The following GALNT9 variants were observed in gnomAD, a reference collection of about 807,000 sequenced individuals.
The protein encoded by GALNT9 is polypeptide N-acetylgalactosaminyltransferase 9.
In GALNT9, 47 loss-of-function variants were observed where a neutral mutation model predicts 63.1. The observed-to-expected ratio is 0.75, with a 90% CI of 0.59 to 0.95. The LOEUF is 0.95. Among genes scored for constraint, GALNT9 ranks in the 40% least tolerant of loss-of-function variants. The probability of loss-of-function intolerance (pLI) is 0.00; values close to 1 mark genes in which losing one functional copy is unlikely to be tolerated. For missense variants in GALNT9, 829 were observed against 874.8 expected (o/e 0.95, Z 0.66); for synonymous variants, 396 against 365.7 (o/e 1.08, Z -0.94).
chr12:132,306,887 C>T (rs552385272), intron 1 of GALNT9, among the ~76,000 whole-genome samples: 2 of 152,214 alleles, frequency 1.3e-5, no homozygotes, highest in East Asian at 3.9e-4. Context: ...TCCCATGACC[C>T]GAGGGAGCGC....
At chr12:132,325,340 G>C (rs1276932390) in intron 1 of GALNT9, among the ~76,000 whole-genome samples, 1 of 152,236 alleles carries the variant, frequency 6.6e-6, no homozygotes, top group African/African-American at 2.4e-5. Flanking sequence ...ACCGCCAGAG[G>C]CCTTGGGCAT....
intron 6 of GALNT9, among the ~76,000 whole-genome samples, chr12:132,224,992 C>T (rs1457646553): frequency 6.8e-6 from 1 of 147,140 alleles, no homozygotes; most frequent in Non-Finnish European, 1.5e-5. Context: ...CCCATATACA[C>T]ACCCTATACA....
rs2136899516 is a variant in GALNT9, at chr12:132,240,799, C to A, written c.1077+7111G>T. 8.3e-5 allele frequency: 37 copies of A among 443,724 alleles called. 1 individual carries two copies. In the East Asian group the frequency reaches 2.3e-3, roughly 28 times the overall value. The allele number at this position is 443,724 out of a possible 1,614,324, so 27.5% of individuals were successfully genotyped here. On this transcript the variant is annotated intron_variant, in intron 6 of 10. Transcript: ENST00000328957. ...AGTATGATCTATACATGTTTACACA[C>A]ATGCCACACACCCTTCCCAAGGCCG...
intron 1 of GALNT9, among the ~76,000 whole-genome samples, chr12:132,308,041 A>C (rs1307520240): frequency 2.6e-5 from 4 of 152,064 alleles, no homozygotes; most frequent in Non-Finnish European, 5.9e-5. Flanking sequence ...GTCTCAAAAA[A>C]AAAAAAACAA....
chr12:132,240,702 C>A, intron 6 of GALNT9: 1 of 455,954 alleles, frequency 2.2e-6, no homozygotes, highest in South Asian at 1.5e-5. Context: ...TATAATTTAC[C>A]TTATCTTGCT....
At chr12:132,261,984 G>T (rs1879404873) in intron 3 of GALNT9, among the ~76,000 whole-genome samples, 1 of 152,238 alleles carries the variant, frequency 6.6e-6, no homozygotes, top group African/African-American at 2.4e-5. Context: ...GTGAGCCTCT[G>T]TGGGCAAGAG....
At chr12:132,228,545 G>A (rs1877786019) in intron 6 of GALNT9, among the ~76,000 whole-genome samples, 1 of 152,036 alleles carries the variant, frequency 6.6e-6, no homozygotes, top group Non-Finnish European at 1.5e-5. Context: ...TGGCGAGACA[G>A]GGCTTATTAA....
intron 6 of GALNT9, among the ~76,000 whole-genome samples, chr12:132,215,151 G>A (rs948672390): frequency 1.2e-4 from 19 of 152,210 alleles, no homozygotes; most frequent in African/African-American, 4.6e-4. Flanking sequence ...GCAGCTCTGG[G>A]TGGCTTTGTG....
intron 6 of GALNT9, among the ~76,000 whole-genome samples, chr12:132,217,248 C>G (rs1054905197): frequency 3.4e-5 from 5 of 145,834 alleles, no homozygotes; most frequent in African/African-American, 1.3e-4. Flanking sequence ...ATGCATCCCA[C>G]CCACCCATCC....
chr12:132,278,395 G>T (rs1404909490), intron 2 of GALNT9: 1 of 152,198 alleles, frequency 6.6e-6, no homozygotes, highest in South Asian at 2.1e-4. Flanking sequence ...CCCCTAACCC[G>T]ATGGTGTCAT....
At chr12:132,276,045 G>A (rs1880074238) in intron 2 of GALNT9, among the ~76,000 whole-genome samples, 1 of 152,246 alleles carries the variant, frequency 6.6e-6, no homozygotes. Context: ...CCACATTGCA[G>A]CAGGAAGCCA....
intron 6 of GALNT9, among the ~76,000 whole-genome samples, chr12:132,210,167 C>T (rs1296148056): frequency 2.0e-5 from 3 of 152,268 alleles, no homozygotes; most frequent in East Asian, 3.9e-4. Flanking sequence ...TGGGGCCCGT[C>T]GTCTGCAGGC....
At chr12:132,219,677 TC>T (rs1877358504) in intron 6 of GALNT9, among the ~76,000 whole-genome samples, 1 of 150,104 alleles carries the variant, frequency 6.7e-6, no homozygotes. Flanking sequence ...AAGGGGCACC[TC>T]CCCAGGGTGA....
chr12:132,327,301 G>A lies in GALNT9; in HGVS notation c.238+1665C>T, dbSNP rs1425134506. Among the ~76,000 whole-genome samples, 1 of 151,568 alleles carries A rather than the reference G, an allele frequency of 6.6e-6. No individual in the cohort carries two copies. Among genetic ancestry groups the A allele is most frequent in the Non-Finnish European group, 1.5e-5 (1 of 67,850 alleles). On this transcript the variant is annotated intron_variant, in intron 1 of 10. Transcript: ENST00000328957. The surrounding 1 kb of genome is among the most constrained non-coding windows in gnomAD (Gnocchi z 4.3). ...CAGTGGGGGCGGTGGGCGGTGGGGG[G>A]AGACACACTTTCCCGGAATGCTTCC...
chr12:132,258,853 G>A (rs112040159), intron 4 of GALNT9, among the ~76,000 whole-genome samples: 5 of 152,212 alleles, frequency 3.3e-5, no homozygotes, highest in Non-Finnish European at 5.9e-5. Flanking sequence ...CGCCGTCCAC[G>A]CTGGAGACCC....
At chr12:132,255,958 G>A (rs1382662260) in intron 5 of GALNT9, among the ~76,000 whole-genome samples, 5 of 152,044 alleles carry the variant, frequency 3.3e-5, no homozygotes, top group Non-Finnish European at 5.9e-5. Context: ...GAGGGAGGGC[G>A]AACTCCTGAG....
At chr12:132,278,006 C>G (rs1353037988) in intron 2 of GALNT9, 1 of 149,998 alleles carries the variant, frequency 6.7e-6, no homozygotes, top group South Asian at 2.2e-4. Flanking sequence ...CCCCCTCCCC[C>G]TCACTCCCAC....
In GALNT9 at chr12:132,196,933, G is replaced by A; in HGVS notation, c.*174C>T. ...TCCTAGGAGAAGCTGTACTCCAGAT[G>A]CAGTGGGTGACACCCTGGTCACTCA... is the stretch of plus-strand genomic sequence containing the variant. On this transcript the variant is annotated 3_prime_UTR_variant, in exon 11 of 11. Coordinates refer to ENST00000328957, the MANE Select transcript of GALNT9 (RefSeq NM_001122636.2). 2.8e-6 allele frequency: 4 copies of A among 1,444,020 alleles called. No individual in the cohort carries two copies. Among genetic ancestry groups the A allele is most frequent in the Non-Finnish European group, 3.6e-6 (4 of 1,102,420 alleles). The allele number at this position is 1,444,020 out of a possible 1,614,324, so 89.5% of individuals were successfully genotyped here. A position where few individuals can be genotyped will look rare whatever the true frequency, so the allele number is the denominator to read the frequency against.
At chr12:132,313,529 CCCACCCATCCACCCACCCAT>C (rs1881896394) in intron 1 of GALNT9, among the ~76,000 whole-genome samples, 1 of 123,888 alleles carries the variant, frequency 8.1e-6, no homozygotes, top group African/African-American at 3.1e-5. Flanking sequence ...CACTTACCCA[CCCACCCATCCACCCACCCAT>C]CTACCCACCC....
Sources: allele counts gnomAD v4.1 joint callset (sites outside exome capture counted in the v4.1 genomes callset), GRCh38; gene constraint gnomAD v4.1.1; non-coding constraint Gnocchi (gnomAD v3.1); transcripts MANE v1.5; gene names NCBI Gene and HGNC (gene_info 2026-07-23, HGNC 2026-07-21).